PDE6G: variants seen among roughly 807,000 people sequenced by gnomAD.
PDE6G encodes rod cGMP 3',5'-cyclic phosphodiesterase subunit gamma.
Under a neutral mutation model 10.9 loss-of-function variants are expected in PDE6G, and 10 were observed. The observed-to-expected ratio is 0.91, with a 90% confidence interval of 0.56 to 1.55. The LOEUF is 1.55. PDE6G is among the 40% of genes most tolerant of loss of function. The pLI, the probability that PDE6G is intolerant of heterozygous loss-of-function variation, is 0.00. For missense variants in PDE6G, 102 were observed against 110.1 expected (o/e 0.93, Z 0.33); for synonymous variants, 41 against 42.8 (o/e 0.96, Z 0.16).
Position 81,651,820 on chromosome 17 carries a change from T to C in PDE6G, c.147-135A>G, listed in dbSNP as rs945022160. 11 of 889,642 alleles carry C rather than the reference T, an allele frequency of 1.2e-5. No individual in the cohort carries two copies. Among genetic ancestry groups the C allele is most frequent in the Admixed American group, 8.0e-5 (4 of 50,200 alleles). 55.1% of individuals were successfully genotyped at this position (889,642 alleles called of 1,614,324 possible). ...GCCCAGTGGGCAGAGACCCGCCTCCTCCCCAACCTCCCAGGGCTTGGCGCA... is the reference window on the plus strand; with the variant it reads ...GCCCAGTGGGCAGAGACCCGCCTCCCCCCCAACCTCCCAGGGCTTGGCGCA... On this transcript the variant is annotated intron_variant, in intron 2 of 3. Coordinates refer to ENST00000331056, the MANE Select transcript of PDE6G (RefSeq NM_002602.4). The surrounding 1 kb of genome is among the most constrained non-coding windows in gnomAD (Gnocchi z 4.8).
upstream of PDE6G, chr17:81,656,784 A>T (rs572089771): frequency 1.3e-5 from 8 of 620,982 alleles, no homozygotes; most frequent in South Asian, 1.5e-4. Flanking sequence ...CCCATCTTCC[A>T]GATGGAAGCA....
At chr17:81,655,373 T>A (rs1025358348) in intron 1 of PDE6G, among the ~76,000 whole-genome samples, 6 of 152,246 alleles carry the variant, frequency 3.9e-5, no homozygotes, top group African/African-American at 1.4e-4. Context: ...GTGTTCCCCC[T>A]GCTGGGGGAA....
chr17:81,655,233 C>T (rs2036428006), intron 1 of PDE6G, among the ~76,000 whole-genome samples: 1 of 152,222 alleles, frequency 6.6e-6, no homozygotes, highest in Non-Finnish European at 1.5e-5. Context: ...GGGGCAGGGT[C>T]CCCAGGCACG....
chr17:81,656,874 C>T (rs1003939057), upstream of PDE6G: 4 of 505,730 alleles, frequency 7.9e-6, no homozygotes, highest in South Asian at 6.3e-5. Context: ...CCTTCATGGT[C>T]CCCAAAACCC....
chr17:81,656,543 T>C (rs566438380), upstream of PDE6G: 1 of 763,062 alleles, frequency 1.3e-6, no homozygotes, highest in East Asian at 2.4e-5. Flanking sequence ...TGGGCCTCCC[T>C]CCGCAGGGTG....
chr17:81,653,744 C>A lies in PDE6G; in HGVS notation c.-59-380G>T. On this transcript the variant is annotated intron_variant, in intron 1 of 3. Coordinates refer to ENST00000331056, the MANE Select transcript of PDE6G (RefSeq NM_002602.4). The surrounding 1 kb of genome is among the most constrained non-coding windows in gnomAD (Gnocchi z 5.2). ...CCACTGACAACTTCCTGCCCCTTCCCCTGCGTTCCCCACCCCAGGGAAGCG... is the reference window on the plus strand; with the variant it reads ...CCACTGACAACTTCCTGCCCCTTCCACTGCGTTCCCCACCCCAGGGAAGCG... 5.3e-6 allele frequency: 1 copy of A among 190,384 alleles called. No homozygotes were observed. 11.8% of individuals were successfully genotyped at this position (190,384 alleles called of 1,614,324 possible).
chr17:81,652,300 G>A lies in PDE6G; in HGVS notation c.147-615C>T, dbSNP rs941312416. Among the ~76,000 whole-genome samples, 7 of 152,076 alleles carry A rather than the reference G, an allele frequency of 4.6e-5. No individual in the cohort carries two copies. In the South Asian group the frequency reaches 1.2e-3, roughly 27 times the overall value. ...TGTATTTTTTTTATTTATTTGAGAC[G>A]GAGTCTCACTCTGTCGCCCAGGCTG... is the stretch of plus-strand genomic sequence containing the variant. On this transcript the variant is annotated intron_variant, in intron 2 of 3. Transcript: ENST00000331056.
At chr17:81,658,287 T>C (rs1368937748), upstream of PDE6G, among the ~76,000 whole-genome samples, 3 of 151,224 alleles carry the variant, frequency 2.0e-5, no homozygotes, top group African/African-American at 7.3e-5. Flanking sequence ...GGTTTCACCA[T>C]GTTAGCCAGG....
chr17:81,655,484 T>G (rs1376096097), intron 1 of PDE6G, among the ~76,000 whole-genome samples: 1 of 152,188 alleles, frequency 6.6e-6, no homozygotes, highest in African/African-American at 2.4e-5. Flanking sequence ...CTGGACGAGA[T>G]CAGTGTCCCT....
chr17:81,655,973 A>G (rs1478186199), intron 1 of PDE6G, among the ~76,000 whole-genome samples: 1 of 152,118 alleles, frequency 6.6e-6, no homozygotes, highest in African/African-American at 2.4e-5. Flanking sequence ...CGGGACTGGG[A>G]CCAGCACCAG....
intron 1 of PDE6G, among the ~76,000 whole-genome samples, chr17:81,654,752 C>CT (rs60676628): frequency 0.083 from 11,541 of 138,476 alleles, 717 homozygotes; most frequent in Admixed American, 0.2. Context: ...GGAATCTCAC[C>CT]TTTTTTTTTT....
upstream of PDE6G, among the ~76,000 whole-genome samples, chr17:81,658,755 C>G (rs1297632336): frequency 6.6e-6 from 1 of 151,788 alleles, no homozygotes; most frequent in African/African-American, 2.4e-5. Context: ...GCAGGAGAAT[C>G]GCTTGAACCC....
At chr17:81,654,905 G>A (rs1214851767) in intron 1 of PDE6G, among the ~76,000 whole-genome samples, 5 of 151,520 alleles carry the variant, frequency 3.3e-5, no homozygotes, top group African/African-American at 4.8e-5. Flanking sequence ...CCGACACCAC[G>A]CCCGGCTAAT....
upstream of PDE6G, chr17:81,656,677 C>T: frequency 2.8e-6 from 2 of 701,954 alleles, no homozygotes; most frequent in Non-Finnish European, 5.2e-6. Context: ...AGAGGAGGGG[C>T]TCAGGTGCTG....
rs1227545394 is a variant in PDE6G at position 81,651,759 on chromosome 17, T to TC, written c.147-75dup. The TC allele has an allele frequency of 1.3e-5, 20 of 1,507,328 alleles. No individual in the cohort carries two copies. The highest frequency in any genetic ancestry group is 1.7e-5 in the Non-Finnish European group (19 of 1,093,186). The allele number at this position is 1,507,328 out of a possible 1,614,324, so 93.4% of individuals were successfully genotyped here. ...AGTCAGCCTGAGGCCCGAGGTCATC[T>TC]CTAGCCTTCCTAGGAGATGAGGTGT... On this transcript the variant is annotated intron_variant, in intron 2 of 3. Transcript: ENST00000331056. The surrounding 1 kb of genome is among the most constrained non-coding windows in gnomAD (Gnocchi z 4.8).
In PDE6G at chr17:81,651,963, G is replaced by A. The variant is rs911488036; in HGVS notation, c.147-278C>T. 2.0e-5 allele frequency among the ~76,000 whole-genome samples: 3 copies of A among 152,224 alleles called. No individual in the cohort carries two copies. Among genetic ancestry groups the A allele is most frequent in the Non-Finnish European group, 4.4e-5 (3 of 68,030 alleles). ...TGCTGGGCAGGTGCGTGCCCTGGGGGAGTACGGGGGGGTGCGTGGTTGGTG... is the reference window on the plus strand; with the variant it reads ...TGCTGGGCAGGTGCGTGCCCTGGGGAAGTACGGGGGGGTGCGTGGTTGGTG... On this transcript the variant is annotated intron_variant, in intron 2 of 3. Coordinates refer to ENST00000331056, the MANE Select transcript of PDE6G (RefSeq NM_002602.4). This position sits in a 1 kb window ranked among gnomAD's most constrained non-coding sequence, Gnocchi z 4.8.
intron 1 of PDE6G, among the ~76,000 whole-genome samples, chr17:81,655,715 G>A (rs899702726): frequency 1.3e-5 from 2 of 152,220 alleles, no homozygotes. Flanking sequence ...CTGCTTGCCC[G>A]CACTGGATGC....
At chr17:81,654,379 C>CT (rs11431043) in intron 1 of PDE6G, among the ~76,000 whole-genome samples, 52,754 of 128,376 alleles carry the variant, frequency 0.41, 12,478 homozygotes, top group East Asian at 0.79. Context: ...CCCTCTGATT[C>CT]TTTTTTTTTT....
Position 81,651,969 on chromosome 17 carries a change from G to A in PDE6G, c.147-284C>T, listed in dbSNP as rs990354092. Among the ~76,000 whole-genome samples the A allele has an allele frequency of 1.3e-4, 20 of 152,002 alleles. No individual in the cohort carries two copies. The highest frequency in any genetic ancestry group is 2.2e-4 in the Non-Finnish European group (15 of 67,992). ...GCAGGTGCGTGCCCTGGGGGAGTAC[G>A]GGGGGGTGCGTGGTTGGTGCATGGT... On this transcript the variant is annotated intron_variant, in intron 2 of 3. Coordinates refer to ENST00000331056, the MANE Select transcript of PDE6G (RefSeq NM_002602.4). This position sits in a 1 kb window ranked among gnomAD's most constrained non-coding sequence, Gnocchi z 4.8.
Sources: gnomAD v4.1 joint callset for allele counts (sites outside exome capture counted in the v4.1 genomes callset) on GRCh38, gnomAD v4.1.1 for gene constraint, Gnocchi (gnomAD v3.1) non-coding constraint, MANE v1.5 for transcripts, NCBI Gene and HGNC (gene_info 2026-07-23, HGNC 2026-07-21) for gene names.